Variants in CACNA2D1 observed in about 807,000 individuals in gnomAD.
The protein encoded by CACNA2D1 is calcium voltage-gated channel auxiliary subunit alpha2delta 1, also known as voltage-dependent calcium channel subunit alpha-2/delta-1.
In CACNA2D1, 53 loss-of-function variants were observed where a neutral mutation model predicts 171.5. That is an observed-to-expected ratio of 0.31 (90% CI 0.25 to 0.39). The LOEUF (loss-of-function observed/expected upper bound fraction) is 0.39, where lower values mean the gene tolerates loss of function less well. Among genes scored for constraint, CACNA2D1 ranks in the 10% least tolerant of loss-of-function variants. The pLI is 1.00. For synonymous variants in CACNA2D1, 442 were observed against 443.1 expected (o/e 1.00, Z 0.03); for missense variants, 903 against 1,299.8 (o/e 0.69, Z 4.69).
At chr7:82,407,344 T>A (rs1827167288) in intron 1 of CACNA2D1, among the ~76,000 whole-genome samples, 1 of 152,238 alleles carries the variant, frequency 6.6e-6, no homozygotes, top group African/African-American at 2.4e-5. Context: ...CAAAGTAAGA[T>A]ATGAGTACAC....
chr7:82,067,684 C>G (rs1268582081), intron 7 of CACNA2D1, among the ~76,000 whole-genome samples: 6 of 152,128 alleles, frequency 3.9e-5, no homozygotes, highest in Non-Finnish European at 8.8e-5. Context: ...GTTCAATTTG[C>G]ACTTGCAGAA....
chr7:81,961,161 T>C (rs915326488), intron 36 of CACNA2D1, among the ~76,000 whole-genome samples: 7 of 151,994 alleles, frequency 4.6e-5, no homozygotes, highest in African/African-American at 1.7e-4. Flanking sequence ...ACAAAGTGTC[T>C]CTACTCTGTG....
intron 4 of CACNA2D1, among the ~76,000 whole-genome samples, chr7:82,151,485 G>A (rs1204390330): frequency 1.3e-5 from 2 of 152,068 alleles, no homozygotes; most frequent in African/African-American, 4.8e-5. Context: ...ATCCTAAGTT[G>A]TTTTGGCTTC....
chr7:82,399,396 C>T (rs1397956962), intron 1 of CACNA2D1, among the ~76,000 whole-genome samples: 2 of 151,506 alleles, frequency 1.3e-5, no homozygotes, highest in African/African-American at 2.4e-5. Flanking sequence ...GCCGAGATCG[C>T]TCCACTGCAC....
At chr7:81,961,142 C>T (rs1794067510) in intron 36 of CACNA2D1, among the ~76,000 whole-genome samples, 1 of 151,800 alleles carries the variant, frequency 6.6e-6, no homozygotes, top group African/African-American at 2.4e-5. Context: ...CTTCCCTCCA[C>T]CTCTAAAAAC....
At chr7:82,166,170 A>G (rs1795438156) in intron 4 of CACNA2D1, among the ~76,000 whole-genome samples, 1 of 152,054 alleles carries the variant, frequency 6.6e-6, no homozygotes, top group Admixed American at 6.6e-5. Flanking sequence ...CACAAAATTT[A>G]AAATATCAAC....
At chr7:82,295,708 C>A (rs1286688541) in intron 3 of CACNA2D1, among the ~76,000 whole-genome samples, 1 of 151,716 alleles carries the variant, frequency 6.6e-6, no homozygotes, top group East Asian at 1.9e-4. Flanking sequence ...TAACACAGGG[C>A]CAGTTTGTGA....
chr7:82,130,505 TAATTTC>T (rs545471356), intron 5 of CACNA2D1, among the ~76,000 whole-genome samples: 1 of 152,114 alleles, frequency 6.6e-6, no homozygotes, highest in South Asian at 2.1e-4. Context: ...TAAAATGAGA[TAATTTC>T]AATAGCTCTT....
intron 3 of CACNA2D1, among the ~76,000 whole-genome samples, chr7:82,276,195 A>C (rs568498988): frequency 6.6e-6 from 1 of 152,304 alleles, no homozygotes; most frequent in African/African-American, 2.4e-5. Context: ...AGTTTTATTT[A>C]TTTGTTGTTG....
At chr7:82,409,731 C>G (rs1313140884) in intron 1 of CACNA2D1, among the ~76,000 whole-genome samples, 1 of 152,176 alleles carries the variant, frequency 6.6e-6, no homozygotes, top group Non-Finnish European at 1.5e-5. Flanking sequence ...CCTAAGGTCT[C>G]TTTCGCACAC....
chr7:82,337,198 CAAG>C (rs1267782743), intron 2 of CACNA2D1, among the ~76,000 whole-genome samples: 36 of 152,042 alleles, frequency 2.4e-4, no homozygotes, highest in African/African-American at 8.2e-4. Context: ...TAAATTAAGT[CAAG>C]AAGTTAAAGT....
At chr7:82,176,955 G>GGA (rs1326169155) in intron 3 of CACNA2D1, among the ~76,000 whole-genome samples, 1 of 151,822 alleles carries the variant, frequency 6.6e-6, no homozygotes, top group Non-Finnish European at 1.5e-5. Context: ...TCTGCCACAT[G>GGA]GAGAATACAT....
intron 6 of CACNA2D1, among the ~76,000 whole-genome samples, chr7:82,103,304 A>T (rs1225627143): frequency 6.6e-6 from 1 of 152,162 alleles, no homozygotes; most frequent in Non-Finnish European, 1.5e-5. Context: ...TTAAAAAATA[A>T]GGAATAATCT....
chr7:82,006,157 C>T (rs1443696843), intron 16 of CACNA2D1, among the ~76,000 whole-genome samples: 3 of 151,764 alleles, frequency 2.0e-5, no homozygotes, highest in Non-Finnish European at 4.4e-5. Context: ...TACGGTCAGC[C>T]CTTATAGCTG....
intron 6 of CACNA2D1, among the ~76,000 whole-genome samples, chr7:82,085,192 G>C (rs140109066): frequency 1.3e-5 from 2 of 152,024 alleles, no homozygotes; most frequent in Admixed American, 6.6e-5. Context: ...TTTTGGCCTC[G>C]GTTATTCTTT....
At chr7:82,242,969 C>T (rs568301577) in intron 3 of CACNA2D1, among the ~76,000 whole-genome samples, 12 of 151,970 alleles carry the variant, frequency 7.9e-5, no homozygotes, top group Non-Finnish European at 1.8e-4. Context: ...TGTTTTAAAA[C>T]CATAAATCAG....
intron 6 of CACNA2D1, among the ~76,000 whole-genome samples, chr7:82,099,726 GGC>G (rs1812437184): frequency 1.7e-5 from 1 of 57,638 alleles, no homozygotes; most frequent in African/African-American, 5.0e-5. Context: ...TGGGATTACA[GGC>G]GTGAGCCACC....
intron 7 of CACNA2D1, among the ~76,000 whole-genome samples, chr7:82,080,136 T>TAC (rs1339004660): frequency 5.1e-5 from 4 of 78,438 alleles, no homozygotes; most frequent in South Asian, 8.8e-4. Flanking sequence ...TATATATATA[T>TAC]ACACACCTAT....
intron 15 of CACNA2D1, among the ~76,000 whole-genome samples, chr7:82,010,964 A>T (rs560682260): frequency 2.0e-5 from 3 of 152,290 alleles, no homozygotes; most frequent in Admixed American, 2.0e-4. Flanking sequence ...ATTATTCATA[A>T]GTTCTTCTCA....
Sources: gnomAD v4.1 joint callset for allele counts (sites outside exome capture counted in the v4.1 genomes callset) on GRCh38, gnomAD v4.1.1 for gene constraint, MANE v1.5 for transcripts, NCBI Gene and HGNC (gene_info 2026-07-23, HGNC 2026-07-21) for gene names.